KCP: variants seen among roughly 807,000 people sequenced by gnomAD.
KCP encodes kielin/chordin-like protein.
In KCP, 194 loss-of-function variants were observed where a neutral mutation model predicts 212.7. The observed-to-expected ratio is 0.91, with a 90% CI of 0.81 to 1.03. The LOEUF (loss-of-function observed/expected upper bound fraction) is 1.03. Ranked by LOEUF, KCP falls within the 50% of genes least tolerant of loss-of-function variation. KCP has a pLI of 0.00. For missense variants in KCP, 2,080 were observed against 2,162.5 expected (o/e 0.96, Z 0.76); for synonymous variants, 833 against 865.3 (o/e 0.96, Z 0.65).
intron 22 of KCP, among the ~76,000 whole-genome samples, chr7:128,888,343 CACACAT>C (rs777659294): frequency 0.025 from 2,364 of 95,480 alleles, 36 homozygotes; most frequent in Non-Finnish European, 0.031. Flanking sequence ...CACACACACA[CACACAT>C]ACACAGATAC....
Position 128,879,984 on chromosome 7 carries a change from G to T in KCP, c.3861C>A (p.Asp1287Glu), listed in dbSNP as rs755380292. ...TGCCCTGGAAGTGCAGCAGGCGGCC[G>T]TCGAAGGTGCGGTAATGGGGGTCTC... The part of the protein sequence containing the change: ...AFGDPHYRTF[D>E]GRLLHFQGSC... Residue 1287 changes from aspartate to glutamate, a missense_variant, in exon 35 of 40, where the codon GAC (aspartate) becomes GAA (glutamate). Physicochemically the swap from Asp to Glu is conservative, Grantham distance 45 (BLOSUM62 2). Transcript: ENST00000610776. 2.6e-6 allele frequency: 4 copies of T among 1,550,608 alleles called. No individual in the cohort carries two copies. In the East Asian group the frequency reaches 7.3e-5, roughly 28 times the overall value.
intron 26 of KCP, among the ~76,000 whole-genome samples, chr7:128,886,237 A>T (rs893729103): frequency 1.3e-5 from 2 of 152,168 alleles, no homozygotes; most frequent in Admixed American, 1.3e-4. Context: ...CCAGCCCAAG[A>T]CAGGCAGCTT....
At position 128,886,828 on chromosome 7, in the gene KCP, G is replaced by A. The variant is rs1244016115; in HGVS notation, c.2689+48C>T. ...GCCTGGCAGGAAGGGAAGGGGGAGG[G>A]AGAGGCGGGGAAGGGCATGGGGGCC... On this transcript the variant is annotated intron_variant, in intron 24 of 39. Transcript: ENST00000610776. 2.9e-6 allele frequency: 4 copies of A among 1,388,242 alleles called. No individual in the cohort carries two copies. In the South Asian group the frequency reaches 5.0e-5, roughly 17 times the overall value. The allele number at this position is 1,388,242 out of a possible 1,614,324, so 86.0% of individuals were successfully genotyped here.
At chr7:128,878,498 T>C in intron 38 of KCP, 60 bp downstream of exon 38, 1 of 1,488,126 alleles carries the variant, frequency 6.7e-7, no homozygotes, top group Non-Finnish European at 9.1e-7. Flanking sequence ...AGGGTTGCTC[T>C]GAGACTCATG....
rs1793023164 is a variant in KCP at position 128,876,953 on chromosome 7, G to A, written c.*90C>T. 5.6e-6 allele frequency: 8 copies of A among 1,432,916 alleles called. No homozygotes were observed. The highest frequency in any genetic ancestry group is 7.4e-6 in the Non-Finnish European group (8 of 1,079,334). The allele number at this position is 1,432,916 out of a possible 1,614,324, so 88.8% of individuals were successfully genotyped here. A position where few individuals can be genotyped will look rare whatever the true frequency, so the allele number is the denominator to read the frequency against. ...GCCCAGGCTCCAGTGTCCAGGCAGG[G>A]CATTCTCTCCATAGCCCTAACCAGG... On this transcript the variant is annotated 3_prime_UTR_variant, in exon 40 of 40. Transcript: ENST00000610776.
intron 8 of KCP, among the ~76,000 whole-genome samples, chr7:128,901,725 T>C (rs555176141): frequency 2.6e-5 from 4 of 152,342 alleles, no homozygotes; most frequent in African/African-American, 7.2e-5. Context: ...GGGGTCTGGA[T>C]TGGGACCCCT....
intron 16 of KCP, 64 bp from the exon 17 acceptor site, chr7:128,891,883 T>G: frequency 7.9e-7 from 1 of 1,259,120 alleles, no homozygotes; most frequent in Non-Finnish European, 1.1e-6. Flanking sequence ...AGCCCTGGAG[T>G]CCAGAGCCGC....
intron 8 of KCP, among the ~76,000 whole-genome samples, chr7:128,898,146 C>T (rs983385495): frequency 2.0e-5 from 3 of 152,018 alleles, no homozygotes; most frequent in Non-Finnish European, 4.4e-5. Flanking sequence ...ACCTCTGCCT[C>T]CTGGGTTCAA....
intron 8 of KCP, 126 bp downstream of exon 8, chr7:128,902,651 C>T (rs757173511): frequency 6.2e-4 from 525 of 845,998 alleles, no homozygotes; most frequent in Non-Finnish European, 8.8e-4. Flanking sequence ...CAGCAGACAG[C>T]GCCTAGGTCT....
In KCP at chr7:128,892,604, C is replaced by T. The variant is rs1488662827; in HGVS notation, c.1531G>A (p.Gly511Arg). 3 of 1,550,966 alleles carry T rather than the reference C, an allele frequency of 1.9e-6. No individual in the cohort carries two copies. Among genetic ancestry groups the T allele is most frequent in the African/African-American group, 2.7e-5 (2 of 73,032 alleles). The change falls in exon 16 of 40, where the codon GGA becomes AGA. Residue 511 changes from glycine (G) to arginine (R), a missense_variant. Coordinates refer to ENST00000610776, the MANE Select transcript of KCP (RefSeq NM_001366122.1). ...SPCHACHCQD[G>R]TVTCSLVDCP... ...TCAACCAAGGAGCATGTCACAGTTC[C>T]ATCCTGCGAGAGAGCAGGGGAGAGA...
At chr7:128,878,051 CCTT>C (rs987790599) in intron 38 of KCP, among the ~76,000 whole-genome samples, 4 of 147,866 alleles carry the variant, frequency 2.7e-5, no homozygotes, top group African/African-American at 7.7e-5. Flanking sequence ...AGGTAACAAG[CCTT>C]CTTTTTTTTT....
Position 128,887,293 on chromosome 7 carries a change from G to T in KCP, c.2520C>A (p.Arg840=). The part of the protein sequence containing the change: ...GHCCPTCQGC[R]YHGVTTASGE... ...CGGAGGCAGTAGTGACGCCATGGTA[G>T]CGGCATCCTGGCAGAGCGGGGAGTC... Residue 840 remains arginine (R), a synonymous_variant, in exon 23 of 40, where the codon CGC becomes CGA. Coordinates refer to ENST00000610776, the MANE Select transcript of KCP (RefSeq NM_001366122.1). The T allele has an allele frequency of 6.4e-7, 1 of 1,551,188 alleles. No homozygotes were observed. Among genetic ancestry groups the T allele is most frequent in the Non-Finnish European group, 8.7e-7 (1 of 1,146,796 alleles).
chr7:128,903,181 C>T (rs1374764303), intron 7 of KCP: 6 of 391,916 alleles, frequency 1.5e-5, no homozygotes, highest in Non-Finnish European at 2.8e-5. Flanking sequence ...GTCAGGGCCA[C>T]GCCTGTGCTT....
rs965394236 is a variant in KCP at position 128,887,492 on chromosome 7, C to T, written c.2513-192G>A. Among the ~76,000 whole-genome samples, 8 of 150,410 alleles carry T rather than the reference C, an allele frequency of 5.3e-5. No homozygotes were observed. In the East Asian group the frequency reaches 7.9e-4, roughly 15 times the overall value. On this transcript the variant is annotated intron_variant, in intron 22 of 39. Coordinates refer to ENST00000610776, the MANE Select transcript of KCP (RefSeq NM_001366122.1). ...ACACACACAGCCACACACATACATA[C>T]ACGCATATACACACAGCAGGTGGGA...
chr7:128,878,762 AG>A, intron 37 of KCP, 40 bp from the exon 38 acceptor site: 1 of 1,530,438 alleles, frequency 6.5e-7, no homozygotes. Context: ...AGGGAAGGAC[AG>A]GGGCCTTAAG....
intron 15 of KCP, 39 bp from the exon 16 acceptor site, chr7:128,892,646 C>T: frequency 2.6e-6 from 4 of 1,551,220 alleles, no homozygotes; most frequent in Non-Finnish European, 2.6e-6. Flanking sequence ...GGGGCATGCC[C>T]AGGAGGGGCT....
intron 29 of KCP, among the ~76,000 whole-genome samples, chr7:128,883,180 G>A (rs181099568): frequency 1.0e-3 from 141 of 137,516 alleles, no homozygotes; most frequent in Non-Finnish European, 1.6e-3. Flanking sequence ...TCGCTCTGTT[G>A]CCAGGTTGCA....
chr7:128,907,274 G>C lies in KCP; in HGVS notation c.399C>G (p.Pro133=), dbSNP rs1220557175. 6.5e-7 allele frequency: 1 copy of C among 1,534,012 alleles called. No homozygotes were observed. The highest frequency in any genetic ancestry group is 1.2e-5 in the South Asian group (1 of 83,438). The part of the protein sequence containing the change: ...AAHCGPQAHL[P]HCRGCSQNGQ... ...TAGGGTGGCACTTACCCCTGCAATG[G>C]GGCAGGTGTGCTTGGGGGCCACAGT... The change falls in exon 3 of 40, where the codon CCC becomes CCG. Residue 133 remains proline (P), a synonymous_variant. Coordinates refer to ENST00000610776, the MANE Select transcript of KCP (RefSeq NM_001366122.1).
chr7:128,879,047 G>C (rs777515991), intron 37 of KCP: 15 of 399,400 alleles, frequency 3.8e-5, no homozygotes, highest in Non-Finnish European at 6.3e-5. Context: ...ATGGGCATTC[G>C]GGCCTTGCAG....
Sources: gnomAD v4.1 joint callset for allele counts (sites outside exome capture counted in the v4.1 genomes callset) on GRCh38, gnomAD v4.1.1 for gene constraint, MANE v1.5 for transcripts, NCBI Gene and HGNC (gene_info 2026-07-23, HGNC 2026-07-21) for gene names.